Variants in KPNA4 observed in about 807,000 individuals in gnomAD.
KPNA4 encodes the protein importin subunit alpha-3.
KPNA4 carries 13 observed loss-of-function variants against 71.3 expected under a neutral mutation model. That is an observed-to-expected ratio of 0.18 (90% CI 0.12 to 0.29). KPNA4 has a LOEUF of 0.29. Ranked by LOEUF, KPNA4 falls within the 10% of genes least tolerant of loss-of-function variation. The pLI, the probability that KPNA4 is intolerant of heterozygous loss-of-function variation, is 1.00. For synonymous variants in KPNA4, 189 were observed against 195.2 expected (o/e 0.97, Z 0.26); for missense variants, 334 against 603.2 (o/e 0.55, Z 4.67).
rs1720808091 is a variant in KPNA4, at chr3:160,498,396, T to C, written c.*3708A>G. The C allele has an allele frequency of 6.6e-6, 1 of 152,256 alleles. No individual in the cohort carries two copies. Among genetic ancestry groups the C allele is most frequent in the African/African-American group, 2.4e-5 (1 of 41,468 alleles). 9.4% of individuals were successfully genotyped at this position (152,256 alleles called of 1,614,324 possible). ...TCTTAAGATGGCTCCCAAGATTCCC[T>C]GGTATACATACTCCATATAACCCCC... On this transcript the variant is annotated 3_prime_UTR_variant, in exon 17 of 17. Transcript: ENST00000334256.
Position 160,499,936 on chromosome 3 carries a change from A to C in KPNA4, c.*2168T>G, listed in dbSNP as rs1720843206. The C allele has an allele frequency of 6.6e-6, 1 of 152,138 alleles. No homozygotes were observed. The highest frequency in any genetic ancestry group is 2.4e-5 in the African/African-American group (1 of 41,422). The allele number at this position is 152,138 out of a possible 1,614,324, so 9.4% of individuals were successfully genotyped here. On this transcript the variant is annotated 3_prime_UTR_variant, in exon 17 of 17. Coordinates refer to ENST00000334256, the MANE Select transcript of KPNA4 (RefSeq NM_002268.5). ...GGTCTGTTTTACTGGAGAATGAAGG[A>C]AAGTTAAAACCTTGCTTTGGATAGA...
intron 10 of KPNA4, among the ~76,000 whole-genome samples, chr3:160,524,559 G>T (rs938896653): frequency 6.6e-6 from 1 of 151,990 alleles, no homozygotes; most frequent in Non-Finnish European, 1.5e-5. Flanking sequence ...GCCCAGGCTG[G>T]TCTCGAACTC....
chr3:160,522,598 C>T (rs528834269), intron 10 of KPNA4, among the ~76,000 whole-genome samples: 1 of 152,326 alleles, frequency 6.6e-6, no homozygotes, highest in African/African-American at 2.4e-5. Flanking sequence ...GCTGGGACTA[C>T]AGGCGCATGC....
chr3:160,546,497 G>A (rs529773541), intron 1 of KPNA4, among the ~76,000 whole-genome samples: 75 of 152,242 alleles, frequency 4.9e-4, no homozygotes, highest in Non-Finnish European at 9.1e-4. Context: ...CAGCCTGGGT[G>A]ATAGAGCAAG....
chr3:160,521,504 G>C (rs144594311), intron 11 of KPNA4, among the ~76,000 whole-genome samples: 107 of 152,300 alleles, frequency 7.0e-4, no homozygotes, highest in African/African-American at 2.5e-3. Flanking sequence ...AAGAGGCTGA[G>C]GTGGGAGAAT....
At chr3:160,551,211 G>A (rs1722034511) in intron 1 of KPNA4, among the ~76,000 whole-genome samples, 1 of 152,164 alleles carries the variant, frequency 6.6e-6, no homozygotes, top group African/African-American at 2.4e-5. Context: ...GACAGGTTAT[G>A]TGTTTTAGGA....
Position 160,496,278 on chromosome 3 carries a change from G to C in KPNA4, c.*5826C>G, listed in dbSNP as rs1485797669. Reference sequence around the variant, plus strand: ...ATTCCTGCCTGGGCAACAAGAAAGAGTAAAATGGTAACTATGCACAAAGGA... The same window carrying C: ...ATTCCTGCCTGGGCAACAAGAAAGACTAAAATGGTAACTATGCACAAAGGA... On this transcript the variant is annotated 3_prime_UTR_variant, in exon 17 of 17. Transcript: ENST00000334256. 1 of 152,402 alleles carries C rather than the reference G, an allele frequency of 6.6e-6. No individual in the cohort carries two copies. The highest frequency in any genetic ancestry group is 2.4e-5 in the African/African-American group (1 of 41,412). 9.4% of individuals were successfully genotyped at this position (152,402 alleles called of 1,614,324 possible).
chr3:160,502,150 C>G lies in KPNA4; in HGVS notation c.1520G>C (p.Gly507Ala). ...VPEAIQGGTF[G>A]FNSSANVPTE... Reference sequence around the variant, plus strand: ...TGGTACATTGGCAGATGAATTGAAACCAAATGTTCCGCCTTGAATTGCCTC... The same window carrying G: ...TGGTACATTGGCAGATGAATTGAAAGCAAATGTTCCGCCTTGAATTGCCTC... The change falls in exon 17 of 17, where the codon GGT becomes GCT. Residue 507 changes from glycine to alanine, a missense_variant. Transcript: ENST00000334256. 1 of 1,597,458 alleles carries G rather than the reference C, an allele frequency of 6.3e-7. No individual in the cohort carries two copies. The highest frequency in any genetic ancestry group is 1.1e-5 in the South Asian group (1 of 89,064).
intron 1 of KPNA4, among the ~76,000 whole-genome samples, chr3:160,555,043 G>A (rs1560056550): frequency 6.6e-6 from 1 of 152,148 alleles, no homozygotes; most frequent in African/African-American, 2.4e-5. Context: ...TGAAGTGGGG[G>A]ACACTCCCAT....
chr3:160,507,188 T>G (rs143708701), intron 15 of KPNA4, among the ~76,000 whole-genome samples: 153 of 152,204 alleles, frequency 1.0e-3, no homozygotes, highest in Middle Eastern at 3.4e-3. Context: ...ACATCTACTG[T>G]GCCATAAAGC....
At chr3:160,530,997 T>C (rs529979558) in intron 6 of KPNA4, 57 bp from the exon 7 acceptor site, 25 of 1,111,406 alleles carry the variant, frequency 2.2e-5, no homozygotes, top group Non-Finnish European at 3.1e-5. Context: ...GGGCCAAATA[T>C]CTAACCATTC....
At chr3:160,534,789 G>A (rs974710429) in intron 5 of KPNA4, among the ~76,000 whole-genome samples, 1 of 149,744 alleles carries the variant, frequency 6.7e-6, no homozygotes. Context: ...GGGAGTGTAT[G>A]CAGTCATTAA....
chr3:160,500,998 G>C lies in KPNA4; in HGVS notation c.*1106C>G, dbSNP rs796502181. 4 of 152,600 alleles carry C rather than the reference G, an allele frequency of 2.6e-5. No homozygotes were observed. The highest frequency in any genetic ancestry group is 9.6e-5 in the African/African-American group (4 of 41,534). 9.5% of individuals were successfully genotyped at this position (152,600 alleles called of 1,614,324 possible). On this transcript the variant is annotated 3_prime_UTR_variant, in exon 17 of 17. Coordinates refer to ENST00000334256, the MANE Select transcript of KPNA4 (RefSeq NM_002268.5). Reference sequence around the variant, plus strand: ...ATGCTGTAGATTTACCTCATGCAAAGATCTTTATGTTATCTCTGAAAATGA... The same window carrying C: ...ATGCTGTAGATTTACCTCATGCAAACATCTTTATGTTATCTCTGAAAATGA...
chr3:160,564,632 G>A (rs1392219453), intron 1 of KPNA4: 2 of 152,054 alleles, frequency 1.3e-5, no homozygotes, highest in Admixed American at 6.6e-5. Context: ...TTTCAACGGA[G>A]AAGTTGTCCT....
At chr3:160,515,299 T>A in intron 12 of KPNA4, 153 bp downstream of exon 12, 2 of 767,538 alleles carry the variant, frequency 2.6e-6, no homozygotes, top group East Asian at 2.9e-5. Flanking sequence ...TAATGCTTGT[T>A]ATGGAGAGTA....
chr3:160,526,807 G>A (rs1210323905), intron 8 of KPNA4, among the ~76,000 whole-genome samples: 1 of 152,126 alleles, frequency 6.6e-6, no homozygotes, highest in Non-Finnish European at 1.5e-5. Context: ...TAAAATGTTT[G>A]TTCTTTTTGC....
Position 160,502,168 on chromosome 3 carries a change from A to C in KPNA4, c.1502T>G (p.Ile501Ser). The stretch of plus-strand genomic sequence containing the variant: ...ATTGAAACCAAATGTTCCGCCTTGA[A>C]TTGCCTCTGGAACAAGGCTAGGGTC... ...DEDPSLVPEA[I>S]QGGTFGFNSS... Residue 501 changes from isoleucine to serine, a missense_variant, in exon 17 of 17, where the codon ATT (isoleucine) becomes AGT (serine). Transcript: ENST00000334256. 1 of 1,598,780 alleles carries C rather than the reference A, an allele frequency of 6.3e-7. No homozygotes were observed. The highest frequency in any genetic ancestry group is 1.1e-5 in the South Asian group (1 of 89,230).
chr3:160,515,305 G>C lies in KPNA4; in HGVS notation c.1032+147C>G, dbSNP rs553740301. 2.4e-5 allele frequency: 19 copies of C among 796,614 alleles called. No individual in the cohort carries two copies. In the East Asian group the frequency reaches 4.8e-4, roughly 20 times the overall value. The allele number at this position is 796,614 out of a possible 1,614,324, so 49.3% of individuals were successfully genotyped here. On this transcript the variant is annotated intron_variant, in intron 12 of 16. Transcript: ENST00000334256. ...AAAAATTATTAATGCTTGTTATGGA[G>C]AGTAAAATTTTTATTTTCTCTTGAT...
chr3:160,523,838 G>A (rs1397757847), intron 10 of KPNA4, among the ~76,000 whole-genome samples: 2 of 151,720 alleles, frequency 1.3e-5, no homozygotes, highest in Admixed American at 6.6e-5. Context: ...GAAACAGTGC[G>A]AGACTCTGTC....
Sources: gnomAD v4.1 joint callset for allele counts (sites outside exome capture counted in the v4.1 genomes callset) on GRCh38, gnomAD v4.1.1 for gene constraint, MANE v1.5 for transcripts, NCBI Gene and HGNC (gene_info 2026-07-23, HGNC 2026-07-21) for gene names.